The following RYR3 variants were observed in gnomAD, a reference collection of about 807,000 sequenced individuals.
The protein encoded by RYR3 is ryanodine receptor 3.
RYR3 carries 207 observed loss-of-function variants against 584.3 expected under a neutral mutation model. The ratio of observed to expected loss-of-function variants is 0.35; its 90% CI spans 0.32 to 0.40. RYR3 has a LOEUF of 0.40. Ranked by LOEUF, RYR3 falls within the 10% of genes least tolerant of loss-of-function variation. RYR3 has a pLI of 1.00. For synonymous variants in RYR3, 2,416 were observed against 2,248.5 expected, an observed-to-expected ratio of 1.07 and a Z score of -2.11; for missense variants, 5,616 against 6,089.2, an observed-to-expected ratio of 0.92 and a Z score of 2.59.
At chr15:33,538,828 C>A (rs542582941) in intron 5 of RYR3, among the ~76,000 whole-genome samples, 7 of 152,240 alleles carry the variant, frequency 4.6e-5, no homozygotes, top group South Asian at 4.1e-4. Context: ...CACCTGCTTT[C>A]CTTTTTCCAA....
intron 90 of RYR3, 122 bp from the exon 91 acceptor site, chr15:33,841,742 C>A (rs547641157): frequency 5.1e-4 from 488 of 958,662 alleles, no homozygotes; most frequent in Non-Finnish European, 6.6e-4. Context: ...GAAGTTTCCA[C>A]CTTCAAGGAA....
chr15:33,423,673 T>C (rs2044400405), intron 1 of RYR3, among the ~76,000 whole-genome samples: 1 of 152,144 alleles, frequency 6.6e-6, no homozygotes, highest in South Asian at 2.1e-4. Context: ...TTTTTAATAT[T>C]GTCATAGCCA....
At chr15:33,699,627 A>G (rs1353558184) in intron 40 of RYR3, 77 bp from the exon 41 acceptor site, 21 of 1,404,452 alleles carry the variant, frequency 1.5e-5, no homozygotes, top group Non-Finnish European at 1.4e-5. Context: ...TTACCCACTT[A>G]AGACTCTGAG....
At position 33,836,939 on chromosome 15, in the gene RYR3, T is replaced by G. The variant is rs373617775; in HGVS notation, c.11602T>G (p.Leu3868Val). The G allele has an allele frequency of 1.9e-6, 3 of 1,613,762 alleles. No homozygotes were observed. The African/African-American group carries it at 4.0e-5, about 22-fold the overall frequency. ...SSQIELLKEL[L>V]DLLQDMVVML... ...TCAGATCGAGCTGCTGAAGGAACTC[T>G]TGGATCTCCTTCAGGACATGGTGGT... The change falls in exon 88 of 104, where the codon TTG becomes GTG. Residue 3868 changes from leucine (L) to valine (V), a missense_variant. By Grantham distance (32) the Leu-to-Val change is conservative (BLOSUM62 1). Around this residue, in one of 9 missense-constraint regions of RYR3, gnomAD observed 954 missense variants for 1,132.2 expected, o/e 0.84. Transcript: ENST00000634891.
chr15:33,861,591 G>A (rs1220587544), intron 102 of RYR3, among the ~76,000 whole-genome samples: 1 of 151,596 alleles, frequency 6.6e-6, no homozygotes, highest in Non-Finnish European at 1.5e-5. Flanking sequence ...TCCATGCTCA[G>A]TCACTGTCTT....
chr15:33,738,659 C>T (rs1403059626), intron 50 of RYR3, 69 bp downstream of exon 50: 13 of 1,559,684 alleles, frequency 8.3e-6, no homozygotes, highest in East Asian at 4.5e-5. Context: ...TAATAACAGC[C>T]GTCATCTGTT....
intron 16 of RYR3, among the ~76,000 whole-genome samples, chr15:33,593,509 C>T (rs1054759102): frequency 1.3e-5 from 2 of 152,104 alleles, no homozygotes; most frequent in African/African-American, 4.8e-5. Context: ...ACTCTGAAGT[C>T]CATACATTAG....
At position 33,845,002 on chromosome 15, in the gene RYR3, C is replaced by G. The variant is rs377281161; in HGVS notation, c.13437C>G (p.Ala4479=). ...GGTATATGGCACCAACCCTGCGTGCCCTGGCCATCATCCATACCATCATCT... is the reference window on the plus strand; with the variant it reads ...GGTATATGGCACCAACCCTGCGTGCGCTGGCCATCATCCATACCATCATCT... ...STGYMAPTLR[A]LAIIHTIISL... The change falls in exon 93 of 104, where the codon GCC becomes GCG. Residue 4479 remains alanine (A), a synonymous_variant. Coordinates refer to ENST00000634891, the MANE Select transcript of RYR3 (RefSeq NM_001036.6). 1.9e-6 allele frequency: 3 copies of G among 1,613,860 alleles called. No homozygotes were observed. The African/African-American group carries it at 4.0e-5, about 22-fold the overall frequency.
chr15:33,777,777 C>G lies in RYR3; in HGVS notation c.9138-2434C>G, dbSNP rs1397855366. Among the ~76,000 whole-genome samples the G allele has an allele frequency of 2.7e-5, 3 of 111,686 alleles. No individual in the cohort carries two copies. In the East Asian group the frequency reaches 1.1e-3, roughly 40 times the overall value. The allele number at this position is 111,686 out of a possible 152,430, so 73.3% of individuals were successfully genotyped here. A position where few individuals can be genotyped will look rare whatever the true frequency, so the allele number is the denominator to read the frequency against. On this transcript the variant is annotated intron_variant, in intron 64 of 103. Transcript: ENST00000634891. ...AGGAGATCATGGTTTTAATTTTGGT[C>G]AAAGAAAGAGGAAAAAAAAAAAAAA...
At chr15:33,418,329 GT>G (rs775218592) in intron 1 of RYR3, among the ~76,000 whole-genome samples, 5,516 of 143,612 alleles carry the variant, frequency 0.038, 178 homozygotes, top group African/African-American at 0.092. Flanking sequence ...TCGTTGGCAG[GT>G]TTTTTTTTTT....
At chr15:33,666,201 T>C (rs373850845) in intron 36 of RYR3, among the ~76,000 whole-genome samples, 24 of 152,218 alleles carry the variant, frequency 1.6e-4, no homozygotes, top group East Asian at 9.7e-4. Context: ...GGGGTGGGTT[T>C]CCCCATATTG....
chr15:33,706,400 C>T (rs2066720184), intron 42 of RYR3, among the ~76,000 whole-genome samples: 1 of 152,174 alleles, frequency 6.6e-6, no homozygotes, highest in Non-Finnish European at 1.5e-5. Context: ...TCCCTCCCCT[C>T]CCCCAAGTCC....
chr15:33,860,208 G>A (rs1455120324), intron 100 of RYR3, among the ~76,000 whole-genome samples: 1 of 152,212 alleles, frequency 6.6e-6, no homozygotes, highest in African/African-American at 2.4e-5. Context: ...TGCAGGTGTT[G>A]AGGGCTAAGA....
chr15:33,507,448 A>G (rs1334420621), intron 3 of RYR3, among the ~76,000 whole-genome samples: 1 of 152,178 alleles, frequency 6.6e-6, no homozygotes, highest in Non-Finnish European at 1.5e-5. Flanking sequence ...CTCTGATCTA[A>G]TCCTATGTAA....
Position 33,748,320 on chromosome 15 carries a change from A to C in RYR3, c.8136+60A>C. 2.5e-6 allele frequency: 4 copies of C among 1,593,622 alleles called. No homozygotes were observed. In the South Asian group the frequency reaches 4.5e-5, roughly 18 times the overall value. On this transcript the variant is annotated intron_variant, in intron 54 of 103. Coordinates refer to ENST00000634891, the MANE Select transcript of RYR3 (RefSeq NM_001036.6). ...GATGGAAGCCATGGAGAATCTGGGAATGTTCTGCCTGGGGCATCGTAGGTG... is the reference window on the plus strand; with the variant it reads ...GATGGAAGCCATGGAGAATCTGGGACTGTTCTGCCTGGGGCATCGTAGGTG...
At chr15:33,777,473 T>C (rs1031226895) in intron 64 of RYR3, among the ~76,000 whole-genome samples, 1 of 152,194 alleles carries the variant, frequency 6.6e-6, no homozygotes, top group African/African-American at 2.4e-5. Context: ...TTCTCAGTTT[T>C]ACTTTTTTTT....
rs186486814 is a variant in RYR3 at position 33,602,284 on chromosome 15, A to C, written c.1922+732A>C. ...CCAAAATAGGGCATAGCTCCAGCCC[A>C]AGAACAGTTCGTCTCTAAAAGTATG... On this transcript the variant is annotated intron_variant, in intron 17 of 103. Coordinates refer to ENST00000634891, the MANE Select transcript of RYR3 (RefSeq NM_001036.6). Among the ~76,000 whole-genome samples, 19 of 152,340 alleles carry C rather than the reference A, an allele frequency of 1.2e-4. No individual in the cohort carries two copies. The East Asian group carries it at 3.1e-3, about 25-fold the overall frequency.
intron 1 of RYR3, among the ~76,000 whole-genome samples, chr15:33,325,280 G>T (rs191966946): frequency 5.6e-4 from 85 of 152,244 alleles, no homozygotes; most frequent in Non-Finnish European, 1.1e-3. Context: ...TGAGATTCTG[G>T]AGCACCATCA....
rs190724241 is a variant in RYR3, at chr15:33,570,780, C to T, written c.1268+3981C>T. Among the ~76,000 whole-genome samples, 83 of 152,158 alleles carry T rather than the reference C, an allele frequency of 5.5e-4. 1 individual carries two copies. Among genetic ancestry groups the T allele is most frequent in the Admixed American group, 1.4e-3 (21 of 15,282 alleles). ...TGTGGTTTTTATTATATAAGTCTTG[C>T]ACTTCTTTTATGAAATGTATTCCTA... On this transcript the variant is annotated intron_variant, in intron 12 of 103. Coordinates refer to ENST00000634891, the MANE Select transcript of RYR3 (RefSeq NM_001036.6).
Sources: allele counts gnomAD v4.1 joint callset (sites outside exome capture counted in the v4.1 genomes callset), GRCh38; gene constraint gnomAD v4.1.1; regional missense constraint gnomAD v4.1.1; transcripts MANE v1.5; gene names NCBI Gene and HGNC (gene_info 2026-07-23, HGNC 2026-07-21).